NAALADL2: variants seen among roughly 807,000 people sequenced by gnomAD.
The protein encoded by NAALADL2 is inactive N-acetylated-alpha-linked acidic dipeptidase-like protein 2.
NAALADL2 carries 76 observed loss-of-function variants against 87.2 expected under a neutral mutation model. That is an observed-to-expected ratio of 0.87 (90% CI 0.72 to 1.05). NAALADL2 has a LOEUF of 1.05. NAALADL2 is among the 50% of genes least tolerant of loss of function. The pLI, the probability that NAALADL2 is intolerant of heterozygous loss-of-function variation, is 0.00. For missense variants in NAALADL2, 1,089 were observed against 945.8 expected, an observed-to-expected ratio of 1.15 and a Z score of -1.99; for synonymous variants, 354 against 331.0, an observed-to-expected ratio of 1.07 and a Z score of -0.75.
At chr3:175,723,595 T>A (rs576361528) in intron 11 of NAALADL2, among the ~76,000 whole-genome samples, 1 of 152,276 alleles carries the variant, frequency 6.6e-6, no homozygotes, top group African/African-American at 2.4e-5. Flanking sequence ...TAAGCCTTTC[T>A]CCAGGTTAAT....
chr3:175,329,571 G>A (rs1324067664), intron 5 of NAALADL2, among the ~76,000 whole-genome samples: 1 of 152,140 alleles, frequency 6.6e-6, no homozygotes, highest in Admixed American at 6.6e-5. Context: ...ATAAATATGT[G>A]CCTAGTTGTC....
intron 1 of NAALADL2, among the ~76,000 whole-genome samples, chr3:174,526,330 C>T (rs1026287794): frequency 2.0e-5 from 3 of 152,164 alleles, no homozygotes; most frequent in African/African-American, 4.8e-5. Flanking sequence ...CACCAGCTTT[C>T]GAATTCTAGC....
intron 3 of NAALADL2, among the ~76,000 whole-genome samples, chr3:174,824,541 A>G (rs1263851303): frequency 2.6e-5 from 4 of 152,214 alleles, no homozygotes; most frequent in African/African-American, 4.8e-5. Flanking sequence ...ACATCTACCT[A>G]TAGGTATTTA....
intron 1 of NAALADL2, among the ~76,000 whole-genome samples, chr3:174,495,964 C>T (rs1718509790): frequency 6.6e-6 from 1 of 152,116 alleles, no homozygotes; most frequent in African/African-American, 2.4e-5. Context: ...ACCTATGGAT[C>T]TGTATACACT....
Position 175,803,231 on chromosome 3 carries a change from G to T in NAALADL2, c.*28G>T. 1.3e-6 allele frequency: 2 copies of T among 1,525,480 alleles called. No homozygotes were observed. The highest frequency in any genetic ancestry group is 1.8e-6 in the Non-Finnish European group (2 of 1,125,960). The allele number at this position is 1,525,480 out of a possible 1,614,324, so 94.5% of individuals were successfully genotyped here. On this transcript the variant is annotated 3_prime_UTR_variant, in exon 14 of 14. Transcript: ENST00000454872. Reference sequence around the variant, plus strand: ...AAACTCTGAGCATTTTTAAAAGTTTGTTTACAATTCCACAAGCAAAAGCTC... The same window carrying T: ...AAACTCTGAGCATTTTTAAAAGTTTTTTTACAATTCCACAAGCAAAAGCTC...
intron 1 of NAALADL2, among the ~76,000 whole-genome samples, chr3:174,972,444 A>T (rs1421801369): frequency 6.6e-6 from 1 of 152,154 alleles, no homozygotes; most frequent in East Asian, 1.9e-4. Flanking sequence ...TCCTCGGCTT[A>T]CAGATGACCA....
intron 12 of NAALADL2, among the ~76,000 whole-genome samples, chr3:175,742,648 T>C (rs889994026): frequency 3.9e-5 from 6 of 152,126 alleles, no homozygotes; most frequent in African/African-American, 1.4e-4. Context: ...CCGCCCGCCT[T>C]GGCCTCCCAA....
At chr3:175,789,657 T>A (rs1237883143) in intron 13 of NAALADL2, among the ~76,000 whole-genome samples, 1 of 152,174 alleles carries the variant, frequency 6.6e-6, no homozygotes, top group Non-Finnish European at 1.5e-5. Flanking sequence ...ATTACTTTTA[T>A]TCTTCTCTAT....
chr3:175,013,667 C>A (rs563376565), intron 1 of NAALADL2, among the ~76,000 whole-genome samples: 62 of 151,956 alleles, frequency 4.1e-4, no homozygotes, highest in Non-Finnish European at 7.5e-4. Context: ...ATTAAATGTT[C>A]CATTTGAGAA....
chr3:175,370,625 T>C (rs1352304658), intron 5 of NAALADL2, among the ~76,000 whole-genome samples: 1 of 152,186 alleles, frequency 6.6e-6, no homozygotes, highest in Non-Finnish European at 1.5e-5. Context: ...TCTACATGTG[T>C]AGCTTTGAGA....
rs180679263 is a variant in NAALADL2 at position 174,511,595 on chromosome 3, C to A, written c.-183-38974C>A. On this transcript the variant is annotated intron_variant, in intron 1 of 3. Coordinates refer to the NAALADL2 transcript ENST00000434257. ...AGATGGTAAATAGTTTTTTTTAATTCAATTTGACAAGCTCTGCCTTTTAAT... is the reference window on the plus strand; with the variant it reads ...AGATGGTAAATAGTTTTTTTTAATTAAATTTGACAAGCTCTGCCTTTTAAT... Among the ~76,000 whole-genome samples, 90 of 151,024 alleles carry A rather than the reference C, an allele frequency of 6.0e-4. 2 individuals are homozygous for A. In the Middle Eastern group the frequency reaches 0.014, roughly 23 times the overall value.
intron 1 of NAALADL2, among the ~76,000 whole-genome samples, chr3:174,866,345 C>T (rs1283806072): frequency 6.6e-6 from 1 of 151,702 alleles, no homozygotes; most frequent in African/African-American, 2.4e-5. Flanking sequence ...AAAGCTATTG[C>T]ACTATGCAGC....
At chr3:174,819,721 A>T (rs192637193) in intron 3 of NAALADL2, among the ~76,000 whole-genome samples, 1 of 152,286 alleles carries the variant, frequency 6.6e-6, no homozygotes, top group African/African-American at 2.4e-5. Flanking sequence ...ATATAGCCTC[A>T]TGTTATACAG....
chr3:174,530,191 C>A (rs1019996310), intron 1 of NAALADL2, among the ~76,000 whole-genome samples: 2 of 152,170 alleles, frequency 1.3e-5, no homozygotes, highest in Admixed American at 6.5e-5. Flanking sequence ...TAAATTATCT[C>A]TCTCAAGTTC....
Position 175,751,415 on chromosome 3 carries a change from A to T in NAALADL2, c.1991-3805A>T, listed in dbSNP as rs567575529. Among the ~76,000 whole-genome samples, 3 of 152,228 alleles carry T rather than the reference A, an allele frequency of 2.0e-5. No homozygotes were observed. The South Asian group carries it at 6.2e-4, about 32-fold the overall frequency. On this transcript the variant is annotated intron_variant, in intron 12 of 13. Transcript: ENST00000454872. ...AGAGTAACATCTCTGAGAAAAAAAA[A>T]GTCAGTAAAGCTGTTACAATATTTT... is the stretch of plus-strand genomic sequence containing the variant.
intron 3 of NAALADL2, among the ~76,000 whole-genome samples, chr3:174,762,000 A>G (rs1404197530): frequency 6.6e-6 from 1 of 152,128 alleles, no homozygotes; most frequent in Non-Finnish European, 1.5e-5. Context: ...TTAATATTTT[A>G]GAGTTATACA....
At chr3:174,450,383 A>G (rs1171905292) in intron 1 of NAALADL2, among the ~76,000 whole-genome samples, 1 of 152,192 alleles carries the variant, frequency 6.6e-6, no homozygotes, top group Non-Finnish European at 1.5e-5. Flanking sequence ...GGGAGGCGCA[A>G]GGAAGAGGAT....
At chr3:175,275,717 T>TAG (rs1753494981) in intron 4 of NAALADL2, among the ~76,000 whole-genome samples, 1 of 152,042 alleles carries the variant, frequency 6.6e-6, no homozygotes, top group Admixed American at 6.6e-5. Flanking sequence ...TTAACCAATA[T>TAG]AAAATGTTGA....
At position 174,831,263 on chromosome 3, in the gene NAALADL2, T is replaced by G. The variant is rs902646222; in HGVS notation, c.-9+93517T>G. 1.6e-3 allele frequency among the ~76,000 whole-genome samples: 240 copies of G among 150,400 alleles called. 1 individual carries two copies. The highest frequency in any genetic ancestry group is 0.01 in the Middle Eastern group (3 of 290). Reference sequence around the variant, plus strand: ...GTGGGTTTGTCATAGATAGCTCTTATTATTTTGAAATACGTCCCATCAATA... The same window carrying G: ...GTGGGTTTGTCATAGATAGCTCTTAGTATTTTGAAATACGTCCCATCAATA... On this transcript the variant is annotated intron_variant, in intron 3 of 3. Coordinates refer to the NAALADL2 transcript ENST00000434257.
Sources: allele counts gnomAD v4.1 joint callset (sites outside exome capture counted in the v4.1 genomes callset), GRCh38; gene constraint gnomAD v4.1.1; transcripts MANE v1.5; gene names NCBI Gene and HGNC (gene_info 2026-07-23, HGNC 2026-07-21).